MACROD2: variants seen among roughly 807,000 people sequenced by gnomAD.
The protein encoded by MACROD2 is ADP-ribose glycohydrolase MACROD2.
In MACROD2, 36 loss-of-function variants were observed where a neutral mutation model predicts 70.4. That is an observed-to-expected ratio of 0.51 (90% CI 0.39 to 0.68). The LOEUF (loss-of-function observed/expected upper bound fraction) is 0.68, where lower values mean the gene tolerates loss of function less well. MACROD2 is among the 30% of genes least tolerant of loss of function. The probability of loss-of-function intolerance (pLI) is 0.00; values close to 1 mark genes in which losing one functional copy is unlikely to be tolerated. For synonymous variants in MACROD2, 172 were observed against 178.8 expected (o/e 0.96, Z 0.30); for missense variants, 496 against 538.4 (o/e 0.92, Z 0.78).
At chr20:14,375,733 A>G (rs1366995175) in intron 3 of MACROD2, among the ~76,000 whole-genome samples, 1 of 152,186 alleles carries the variant, frequency 6.6e-6, no homozygotes, top group Non-Finnish European at 1.5e-5. Flanking sequence ...TTTGCGTTCA[A>G]TTCAATGGAA....
intron 3 of MACROD2, among the ~76,000 whole-genome samples, chr20:14,475,218 A>G (rs1050806785): frequency 1.3e-5 from 2 of 152,130 alleles, no homozygotes; most frequent in Non-Finnish European, 2.9e-5. Flanking sequence ...TACCTTAAAA[A>G]GAAAAGAATC....
chr20:15,456,351 T>C (rs991449670), intron 7 of MACROD2, among the ~76,000 whole-genome samples: 1 of 152,192 alleles, frequency 6.6e-6, no homozygotes, highest in African/African-American at 2.4e-5. Context: ...CGCAAGCAGT[T>C]TGGAGTTCTC....
At chr20:15,914,150 G>A (rs2065277250) in intron 10 of MACROD2, among the ~76,000 whole-genome samples, 1 of 152,152 alleles carries the variant, frequency 6.6e-6, no homozygotes, top group African/African-American at 2.4e-5. Flanking sequence ...TCTTTTTCTA[G>A]AATGGCTGCC....
At chr20:15,649,237 TCTTTCTTTCTTC>T (rs1568951897) in intron 8 of MACROD2, among the ~76,000 whole-genome samples, 1 of 141,856 alleles carries the variant, frequency 7.0e-6, no homozygotes, top group Non-Finnish European at 1.5e-5. Flanking sequence ...TTTCTTTCTT[TCTTTCTTTCTTC>T]TTTTTCAGTG....
At chr20:14,547,938 G>A (rs1276335124) in intron 4 of MACROD2, among the ~76,000 whole-genome samples, 3 of 152,160 alleles carry the variant, frequency 2.0e-5, no homozygotes, top group Non-Finnish European at 4.4e-5. Flanking sequence ...CAAGATGGGG[G>A]AGTGAAAGTA....
chr20:15,387,674 A>C (rs1361605336), intron 6 of MACROD2, among the ~76,000 whole-genome samples: 2 of 151,892 alleles, frequency 1.3e-5, no homozygotes, highest in African/African-American at 4.8e-5. Flanking sequence ...CTCAGACCTT[A>C]CAGGCAGGGG....
At chr20:14,501,732 A>G (rs1427243283) in intron 4 of MACROD2, among the ~76,000 whole-genome samples, 3 of 152,200 alleles carry the variant, frequency 2.0e-5, no homozygotes, top group African/African-American at 7.2e-5. Context: ...AAAGGTTGTA[A>G]AGAAAAAGAA....
intron 5 of MACROD2, among the ~76,000 whole-genome samples, chr20:14,716,299 C>G (rs1482754893): frequency 4.6e-5 from 7 of 152,180 alleles, no homozygotes; most frequent in Non-Finnish European, 1.0e-4. Flanking sequence ...CAAGCCCAGT[C>G]TTTATTTTGT....
intron 8 of MACROD2, among the ~76,000 whole-genome samples, chr20:15,576,272 C>A (rs6110683): frequency 0.082 from 12,429 of 152,088 alleles, 1,423 homozygotes; most frequent in African/African-American, 0.24. Flanking sequence ...CCTCTGTAGT[C>A]CTACATTCTT....
At chr20:16,011,087 G>T (rs910074881) in intron 15 of MACROD2, among the ~76,000 whole-genome samples, 1 of 152,218 alleles carries the variant, frequency 6.6e-6, no homozygotes, top group Non-Finnish European at 1.5e-5. Context: ...CTGAGACTGT[G>T]TTGGTGATGC....
chr20:15,840,401 T>C (rs1331347604), intron 8 of MACROD2, among the ~76,000 whole-genome samples: 1 of 152,158 alleles, frequency 6.6e-6, no homozygotes, highest in Non-Finnish European at 1.5e-5. Flanking sequence ...ACTCCAAATT[T>C]TTCTCAGCTT....
intron 5 of MACROD2, among the ~76,000 whole-genome samples, chr20:15,172,281 G>A (rs945774900): frequency 6.6e-6 from 1 of 152,194 alleles, no homozygotes; most frequent in African/African-American, 2.4e-5. Flanking sequence ...AGGTTGGTGG[G>A]AGTCAGTTAA....
chr20:15,618,111 T>C (rs2049065075), intron 8 of MACROD2, among the ~76,000 whole-genome samples: 1 of 149,520 alleles, frequency 6.7e-6, no homozygotes, highest in South Asian at 2.1e-4. Context: ...TTTTTTTTTT[T>C]TTTTTTGGTG....
intron 4 of MACROD2, among the ~76,000 whole-genome samples, chr20:14,668,539 C>T (rs1296231324): frequency 6.6e-6 from 1 of 152,098 alleles, no homozygotes; most frequent in Non-Finnish European, 1.5e-5. Context: ...GGGATCCTCC[C>T]ATAGGTTCCA....
chr20:14,230,635 A>G (rs550900459), intron 3 of MACROD2, among the ~76,000 whole-genome samples: 55 of 2,584 alleles, frequency 0.021, no homozygotes, highest in East Asian at 0.12. Context: ...TCATGTTTAT[A>G]TATATATATA....
chr20:16,039,491 T>C (rs1356179904), intron 15 of MACROD2, among the ~76,000 whole-genome samples: 1 of 144,388 alleles, frequency 6.9e-6, no homozygotes, highest in African/African-American at 2.4e-5. Context: ...GCAAATATTT[T>C]CCCTCAATTT....
intron 6 of MACROD2, among the ~76,000 whole-genome samples, chr20:15,349,350 C>G (rs2078201766): frequency 6.6e-6 from 1 of 152,068 alleles, no homozygotes; most frequent in African/African-American, 2.4e-5. Flanking sequence ...TGTGTTATTA[C>G]CTAGGTAAGC....
At chr20:15,993,788 A>G (rs1325602258) in intron 15 of MACROD2, among the ~76,000 whole-genome samples, 2 of 152,200 alleles carry the variant, frequency 1.3e-5, no homozygotes. Flanking sequence ...CTTTCCTTCT[A>G]TCAGACAAAA....
At chr20:14,226,406 G>A (rs1000713481) in intron 3 of MACROD2, among the ~76,000 whole-genome samples, 1 of 152,244 alleles carries the variant, frequency 6.6e-6, no homozygotes, top group South Asian at 2.1e-4. Flanking sequence ...TCCCACTTTG[G>A]CGGCACTTGA....
Sources: allele counts gnomAD v4.1 joint callset (sites outside exome capture counted in the v4.1 genomes callset), GRCh38; gene constraint gnomAD v4.1.1; transcripts MANE v1.5; gene names NCBI Gene and HGNC (gene_info 2026-07-23, HGNC 2026-07-21).